ERBB4: variants seen among roughly 807,000 people sequenced by gnomAD.
The protein encoded by ERBB4 is receptor tyrosine-protein kinase erbB-4.
Under a neutral mutation model 158.0 loss-of-function variants are expected in ERBB4, and 42 were observed. The observed-to-expected ratio is 0.27, with a 90% CI of 0.21 to 0.34. The LOEUF (loss-of-function observed/expected upper bound fraction) is 0.34, where lower values mean the gene tolerates loss of function less well. ERBB4 is among the 10% of genes least tolerant of loss of function. ERBB4 has a pLI of 1.00. For synonymous variants in ERBB4, 583 were observed against 558.7 expected (o/e 1.04, Z -0.61); for missense variants, 1,333 against 1,624.1 (o/e 0.82, Z 3.08).
chr2:211,412,698 G>A (rs1225953244), intron 25 of ERBB4, among the ~76,000 whole-genome samples: 3 of 152,108 alleles, frequency 2.0e-5, no homozygotes, highest in Non-Finnish European at 2.9e-5. Flanking sequence ...GCTCACGTCT[G>A]TAATCCTAGC....
At chr2:212,439,965 T>A (rs1201303273) in intron 1 of ERBB4, among the ~76,000 whole-genome samples, 1 of 152,194 alleles carries the variant, frequency 6.6e-6, no homozygotes, top group Non-Finnish European at 1.5e-5. Context: ...GATATTCAAC[T>A]ATCGGAATTT....
chr2:211,509,169 G>A (rs35123780), intron 20 of ERBB4, among the ~76,000 whole-genome samples: 86,328 of 151,120 alleles, frequency 0.57, 25,070 homozygotes, highest in African/African-American at 0.66. Flanking sequence ...GGAGTATCAC[G>A]CACCAGAGCC....
chr2:211,402,421 GAA>G (rs1202944049), intron 25 of ERBB4, among the ~76,000 whole-genome samples: 1 of 151,998 alleles, frequency 6.6e-6, no homozygotes, highest in Non-Finnish European at 1.5e-5. Context: ...AATTCTTACT[GAA>G]AAGTGACCAA....
At chr2:212,468,825 T>G (rs1688973572) in intron 1 of ERBB4, among the ~76,000 whole-genome samples, 1 of 152,182 alleles carries the variant, frequency 6.6e-6, no homozygotes, top group Non-Finnish European at 1.5e-5. Flanking sequence ...GAATTCAAAA[T>G]TCAACACAAC....
At chr2:212,474,483 C>G (rs905208827) in intron 1 of ERBB4, among the ~76,000 whole-genome samples, 1 of 151,724 alleles carries the variant, frequency 6.6e-6, no homozygotes, top group Non-Finnish European at 1.5e-5. Flanking sequence ...TCTCAGAAGC[C>G]AAAAAAATAA....
At chr2:212,099,361 A>G (rs2079019439) in intron 2 of ERBB4, among the ~76,000 whole-genome samples, 2 of 152,034 alleles carry the variant, frequency 1.3e-5, no homozygotes, top group Admixed American at 6.6e-5. Flanking sequence ...GTCACATGCT[A>G]TCTATCTAGT....
chr2:211,928,280 T>C (rs550016177), intron 3 of ERBB4, among the ~76,000 whole-genome samples: 4 of 152,210 alleles, frequency 2.6e-5, no homozygotes, highest in African/African-American at 9.6e-5. Context: ...CCGAGAATAA[T>C]CATTGTAACC....
At chr2:211,759,798 T>C (rs1380462913) in intron 4 of ERBB4, among the ~76,000 whole-genome samples, 1 of 138,940 alleles carries the variant, frequency 7.2e-6, no homozygotes, top group Non-Finnish European at 1.5e-5. Context: ...GTGTTTTTCA[T>C]TTTCTAGAGT....
intron 20 of ERBB4, among the ~76,000 whole-genome samples, chr2:211,495,332 T>C (rs1164186904): frequency 6.6e-6 from 1 of 152,126 alleles, no homozygotes; most frequent in Non-Finnish European, 1.5e-5. Context: ...ATAATAAAAA[T>C]ATTATTTCTT....
intron 2 of ERBB4, among the ~76,000 whole-genome samples, chr2:212,084,116 G>A (rs772975181): frequency 7.9e-5 from 12 of 151,772 alleles, no homozygotes; most frequent in Middle Eastern, 3.2e-3. Context: ...CTCTTCATCC[G>A]TGCAAATAAT....
intron 1 of ERBB4, among the ~76,000 whole-genome samples, chr2:212,308,539 T>C (rs567782613): frequency 4.0e-5 from 6 of 151,130 alleles, no homozygotes; most frequent in East Asian, 3.9e-4. Context: ...TGAAGTTATA[T>C]AGTTTGACCT....
At chr2:211,866,312 A>C (rs1346002108) in intron 3 of ERBB4, among the ~76,000 whole-genome samples, 2 of 152,132 alleles carry the variant, frequency 1.3e-5, no homozygotes, top group East Asian at 1.9e-4. Flanking sequence ...TCCACTCTGA[A>C]CTTATGTCCT....
intron 1 of ERBB4, among the ~76,000 whole-genome samples, chr2:212,276,194 A>G (rs1172825072): frequency 6.6e-6 from 1 of 151,678 alleles, no homozygotes; most frequent in Non-Finnish European, 1.5e-5. Flanking sequence ...TTTTTTGTTT[A>G]CCCATGGTTG....
intron 2 of ERBB4, among the ~76,000 whole-genome samples, chr2:212,059,326 T>C (rs934173380): frequency 1.3e-5 from 2 of 152,184 alleles, no homozygotes; most frequent in African/African-American, 4.8e-5. Context: ...TCCATTCTCA[T>C]GGATAGGAAG....
At chr2:211,868,569 A>G (rs1263824499) in intron 3 of ERBB4, among the ~76,000 whole-genome samples, 1 of 152,150 alleles carries the variant, frequency 6.6e-6, no homozygotes, top group African/African-American at 2.4e-5. Flanking sequence ...AAACCAATAA[A>G]TAACATTCAT....
At chr2:211,770,145 G>A (rs192576859) in intron 4 of ERBB4, among the ~76,000 whole-genome samples, 13 of 152,248 alleles carry the variant, frequency 8.5e-5, no homozygotes, top group African/African-American at 3.1e-4. Context: ...TAAACTTTAC[G>A]TGAAGTACAT....
At chr2:211,430,436 G>A (rs558299312) in intron 21 of ERBB4, among the ~76,000 whole-genome samples, 1 of 152,252 alleles carries the variant, frequency 6.6e-6, no homozygotes, top group South Asian at 2.1e-4. Flanking sequence ...GAACTCCATT[G>A]TCAGGCAGAG....
intron 5 of ERBB4, among the ~76,000 whole-genome samples, chr2:211,742,709 A>G (rs2074837641): frequency 6.6e-6 from 1 of 152,048 alleles, no homozygotes; most frequent in Admixed American, 6.5e-5. Flanking sequence ...AATAATTTCT[A>G]AATTTTCCTA....
intron 9 of ERBB4, among the ~76,000 whole-genome samples, chr2:211,706,918 C>A (rs1373640374): frequency 1.3e-5 from 2 of 152,042 alleles, no homozygotes; most frequent in East Asian, 3.9e-4. Context: ...GAACATGAAG[C>A]CAAAAATGAA....
Sources: allele counts gnomAD v4.1 joint callset (sites outside exome capture counted in the v4.1 genomes callset), GRCh38; gene constraint gnomAD v4.1.1; transcripts MANE v1.5; gene names NCBI Gene and HGNC (gene_info 2026-07-23, HGNC 2026-07-21).